Variants in RORA observed in about 807,000 individuals in gnomAD.
RORA encodes RAR related orphan receptor A.
Under a neutral mutation model 69.5 loss-of-function variants are expected in RORA, and 7 were observed. That is an observed-to-expected ratio of 0.10 (90% CI 0.06 to 0.19). The LOEUF (loss-of-function observed/expected upper bound fraction) is 0.19. Among genes scored for constraint, RORA ranks in the 10% least tolerant of loss-of-function variants. The pLI is 1.00. For missense variants in RORA, 457 were observed against 663.0 expected, an observed-to-expected ratio of 0.69 and a Z score of 3.41; for synonymous variants, 261 against 240.8, an observed-to-expected ratio of 1.08 and a Z score of -0.78.
intron 1 of RORA, among the ~76,000 whole-genome samples, chr15:61,072,694 T>A (rs1187604223): frequency 1.3e-5 from 2 of 152,222 alleles, no homozygotes; most frequent in Non-Finnish European, 2.9e-5. Flanking sequence ...CATTCTTATT[T>A]TATAAAACAC....
chr15:61,038,137 CT>C (rs1032381377), intron 1 of RORA, among the ~76,000 whole-genome samples: 11 of 152,080 alleles, frequency 7.2e-5, no homozygotes, highest in African/African-American at 2.7e-4. Context: ...AAATACTTTT[CT>C]TTTTTCCAAA....
chr15:60,660,642 C>T (rs142243398), intron 2 of RORA, among the ~76,000 whole-genome samples: 1 of 152,298 alleles, frequency 6.6e-6, no homozygotes, highest in African/African-American at 2.4e-5. Flanking sequence ...TGAACAGTTT[C>T]TCCATTCAGC....
chr15:60,669,071 C>T (rs1182168620), intron 2 of RORA, among the ~76,000 whole-genome samples: 1 of 152,098 alleles, frequency 6.6e-6, no homozygotes, highest in Admixed American at 6.5e-5. Context: ...GACAGAGGCT[C>T]CCAGGGTAGC....
intron 2 of RORA, among the ~76,000 whole-genome samples, chr15:60,675,441 A>C (rs965598713): frequency 2.6e-5 from 4 of 152,256 alleles, no homozygotes; most frequent in African/African-American, 7.2e-5. Context: ...AAAAACCAAC[A>C]GCAACATTTC....
intron 1 of RORA, among the ~76,000 whole-genome samples, chr15:60,912,521 G>A (rs112086200): frequency 0.02 from 3,062 of 152,112 alleles, 99 homozygotes; most frequent in South Asian, 0.086. Flanking sequence ...TTGGGAGGCC[G>A]AGGCATGTGG....
At chr15:60,656,136 C>T (rs1017031104) in intron 2 of RORA, among the ~76,000 whole-genome samples, 6 of 152,034 alleles carry the variant, frequency 3.9e-5, no homozygotes, top group Non-Finnish European at 7.4e-5. Context: ...TCTGATTGGC[C>T]CTTAGAATCA....
chr15:60,628,704 A>C (rs1290915799), intron 2 of RORA, among the ~76,000 whole-genome samples: 1 of 152,232 alleles, frequency 6.6e-6, no homozygotes, highest in Non-Finnish European at 1.5e-5. Flanking sequence ...CATCTTCCAC[A>C]TAAATAGAAG....
chr15:60,891,754 C>T (rs1461040837), intron 1 of RORA, among the ~76,000 whole-genome samples: 2 of 152,216 alleles, frequency 1.3e-5, no homozygotes, highest in East Asian at 3.9e-4. Flanking sequence ...GCAGCCTACT[C>T]TGCATGCTGT....
At position 60,631,059 on chromosome 15, in the gene RORA, T is replaced by C. The variant is rs372087554; in HGVS notation, c.196+47598A>G. Reference sequence around the variant, plus strand: ...CACCCACCACCACACCCAGCTAATTTTTGTATTTTTAGTAGAGACGGGGTT... The same window carrying C: ...CACCCACCACCACACCCAGCTAATTCTTGTATTTTTAGTAGAGACGGGGTT... On this transcript the variant is annotated intron_variant, in intron 2 of 10. Transcript: ENST00000335670. 2.2e-4 allele frequency among the ~76,000 whole-genome samples: 34 copies of C among 152,012 alleles called. No homozygotes were observed. The East Asian group carries it at 2.7e-3, about 12-fold the overall frequency.
intron 1 of RORA, among the ~76,000 whole-genome samples, chr15:60,849,377 C>T (rs887785463): frequency 6.6e-6 from 1 of 152,140 alleles, no homozygotes; most frequent in Non-Finnish European, 1.5e-5. Context: ...CATCTGAAAA[C>T]TTTTAGGGAA....
At chr15:60,929,864 C>T (rs1442768316) in intron 1 of RORA, among the ~76,000 whole-genome samples, 1 of 152,054 alleles carries the variant, frequency 6.6e-6, no homozygotes, top group Non-Finnish European at 1.5e-5. Flanking sequence ...GGGAGGAGCC[C>T]AGGAATGTGT....
chr15:61,055,727 T>C (rs1455277505), intron 1 of RORA, among the ~76,000 whole-genome samples: 1 of 152,272 alleles, frequency 6.6e-6, no homozygotes, highest in African/African-American at 2.4e-5. Flanking sequence ...CCTATATTTT[T>C]AGAACCATTT....
At chr15:60,970,745 G>A (rs1437831752) in intron 1 of RORA, among the ~76,000 whole-genome samples, 1 of 152,128 alleles carries the variant, frequency 6.6e-6, no homozygotes, top group Admixed American at 6.5e-5. Flanking sequence ...ATTATCTGAG[G>A]CCCTCCAAAC....
intron 1 of RORA, among the ~76,000 whole-genome samples, chr15:61,154,313 A>G (rs150692832): frequency 1.4e-3 from 218 of 152,308 alleles, no homozygotes; most frequent in African/African-American, 5.1e-3. Flanking sequence ...CAATATTTAC[A>G]TACCAGACTT....
chr15:60,669,780 G>T (rs1245923334), intron 2 of RORA, among the ~76,000 whole-genome samples: 2 of 152,252 alleles, frequency 1.3e-5, no homozygotes, highest in Admixed American at 6.5e-5. Flanking sequence ...AGTAATTGTG[G>T]TTTTTGCCAT....
chr15:60,784,842 C>G (rs975271799), intron 1 of RORA, among the ~76,000 whole-genome samples: 11 of 152,162 alleles, frequency 7.2e-5, no homozygotes, highest in Non-Finnish European at 1.3e-4. Context: ...CTAGCTGTGT[C>G]CTTGTGTGAA....
chr15:60,563,407 T>C (rs2067632715), intron 2 of RORA, among the ~76,000 whole-genome samples: 1 of 152,244 alleles, frequency 6.6e-6, no homozygotes, highest in Admixed American at 6.5e-5. Context: ...CTTTAGAAGG[T>C]ATCTCACTTC....
intron 1 of RORA, among the ~76,000 whole-genome samples, chr15:61,217,904 T>TCCC (rs937144814): frequency 3.9e-5 from 6 of 152,038 alleles, no homozygotes; most frequent in Non-Finnish European, 7.4e-5. Flanking sequence ...TTATTTTCCC[T>TCCC]CCCCCTCCTC....
chr15:61,082,799 T>C (rs1366658332), intron 1 of RORA, among the ~76,000 whole-genome samples: 1 of 152,210 alleles, frequency 6.6e-6, no homozygotes, highest in Admixed American at 6.5e-5. Context: ...TTCTTTTCTC[T>C]AGGACATTCT....
Sources: gnomAD v4.1 joint callset for allele counts (sites outside exome capture counted in the v4.1 genomes callset) on GRCh38, gnomAD v4.1.1 for gene constraint, MANE v1.5 for transcripts, NCBI Gene and HGNC (gene_info 2026-07-23, HGNC 2026-07-21) for gene names.